Variants in SCN9A observed in about 807,000 individuals in gnomAD.
SCN9A encodes the protein sodium voltage-gated channel alpha subunit 9.
SCN9A carries 131 observed loss-of-function variants against 187.0 expected under a neutral mutation model. That is an observed-to-expected ratio of 0.70 (90% CI 0.61 to 0.81). The LOEUF (loss-of-function observed/expected upper bound fraction) is 0.81. Ranked by LOEUF, SCN9A falls within the 30% of genes least tolerant of loss-of-function variation. The pLI, the probability that SCN9A is intolerant of heterozygous loss-of-function variation, is 0.00. For missense variants in SCN9A, 2,252 were observed against 2,396.6 expected (o/e 0.94, Z 1.26); for synonymous variants, 809 against 808.6 (o/e 1.00, Z -0.01).
chr2:166,282,611 C>T (rs1697540586), intron 12 of SCN9A, among the ~76,000 whole-genome samples: 1 of 152,010 alleles, frequency 6.6e-6, no homozygotes, highest in Admixed American at 6.6e-5. Flanking sequence ...AACAACTATA[C>T]AACTCTAGAT....
chr2:166,337,041 G>T (rs914545292), intron 1 of SCN9A, among the ~76,000 whole-genome samples: 4 of 152,062 alleles, frequency 2.6e-5, no homozygotes, highest in African/African-American at 9.7e-5. Context: ...TTTTCACATA[G>T]TCTAGAGGGT....
chr2:166,219,735 TC>T (rs2106372400), intron 24 of SCN9A, among the ~76,000 whole-genome samples: 1 of 151,904 alleles, frequency 6.6e-6, no homozygotes, highest in South Asian at 2.1e-4. Flanking sequence ...AAAATAAAAG[TC>T]AAAAAAGTCA....
At chr2:166,283,962 T>C (rs1697611407) in intron 12 of SCN9A, among the ~76,000 whole-genome samples, 1 of 152,152 alleles carries the variant, frequency 6.6e-6, no homozygotes, top group Non-Finnish European at 1.5e-5. Context: ...TAATGTATCA[T>C]CTCATGGGGT....
At chr2:166,340,356 T>C (rs753073195) in intron 1 of SCN9A, among the ~76,000 whole-genome samples, 18 of 152,184 alleles carry the variant, frequency 1.2e-4, no homozygotes, top group Non-Finnish European at 2.2e-4. Context: ...GCAAAACTAC[T>C]TTTCACTCAG....
intron 2 of SCN9A, among the ~76,000 whole-genome samples, chr2:166,308,223 G>C (rs1698819905): frequency 6.6e-6 from 1 of 152,036 alleles, no homozygotes; most frequent in Non-Finnish European, 1.5e-5. Context: ...TTAAATCTCA[G>C]TAGACTGTAT....
rs1340370507 is a variant in SCN9A at position 166,286,372 on chromosome 2, C to T, written c.1566G>A (p.Arg522=). 2.5e-6 allele frequency: 4 copies of T among 1,613,558 alleles called. No individual in the cohort carries two copies. The Admixed American group carries it at 6.7e-5, about 27-fold the overall frequency. The change falls in exon 11 of 27, where the codon AGG becomes AGA. Residue 522 remains arginine, a synonymous_variant. Coordinates refer to ENST00000642356, the MANE Select transcript of SCN9A (RefSeq NM_001365536.1). ...TAGACAACCTCTTTTCATGTGCTCG[C>T]CTATGCCCTTCGACACCAAGGTGGA... ...KSFHLGVEGH[R]RAHEKRLSTP...
chr2:166,369,210 T>G (rs1700493047), intron 1 of SCN9A, among the ~76,000 whole-genome samples: 2 of 151,694 alleles, frequency 1.3e-5, no homozygotes, highest in South Asian at 4.2e-4. Context: ...TACTACTAAT[T>G]TACAGGAAAG....
intron 19 of SCN9A, 77 bp downstream of exon 19, chr2:166,242,425 T>C (rs965935868): frequency 7.9e-7 from 1 of 1,272,050 alleles, no homozygotes; most frequent in African/African-American, 1.5e-5. Context: ...CAACTTGCCA[T>C]GATATTTTTA....
chr2:166,312,897 C>A (rs1370160507), intron 1 of SCN9A, among the ~76,000 whole-genome samples: 6 of 150,834 alleles, frequency 4.0e-5, no homozygotes, highest in Admixed American at 3.3e-4. Flanking sequence ...GACGTGCTGT[C>A]ATCCAGGCTT....
chr2:166,361,363 C>T (rs1323419937), intron 1 of SCN9A, among the ~76,000 whole-genome samples: 1 of 152,018 alleles, frequency 6.6e-6, no homozygotes. Context: ...AGGGAGCTTT[C>T]AACTCAGAAT....
chr2:166,235,258 C>T (rs574310418), intron 20 of SCN9A, among the ~76,000 whole-genome samples: 16 of 151,846 alleles, frequency 1.1e-4, no homozygotes, highest in Admixed American at 6.6e-4. Context: ...TTTTATGACA[C>T]GGAATATATG....
chr2:166,230,248 C>T (rs889444645), intron 21 of SCN9A, among the ~76,000 whole-genome samples: 4 of 152,062 alleles, frequency 2.6e-5, no homozygotes, highest in Admixed American at 2.6e-4. Context: ...ATTTGGAGTT[C>T]ATGGACCTGT....
At chr2:166,268,942 T>C (rs1194609686) in intron 17 of SCN9A, among the ~76,000 whole-genome samples, 6 of 151,870 alleles carry the variant, frequency 4.0e-5, no homozygotes, top group Non-Finnish European at 5.9e-5. Context: ...AACACTTTTT[T>C]TAAAATGGCT....
At position 166,278,162 on chromosome 2, in the gene SCN9A, G is replaced by A; in HGVS notation, c.2495C>T (p.Ser832Leu). 1 of 1,612,804 alleles carries A rather than the reference G, an allele frequency of 6.2e-7. No homozygotes were observed. The highest frequency in any genetic ancestry group is 8.5e-7 in the Non-Finnish European group (1 of 1,179,498). ...ELFLADVEGL[S>L]VLRSFRLLRV... is the part of the protein sequence containing the mutation. ...TACCAGTCTGAATGATCGCAGAACTGACAATCCTTCCACATCTGCTAGAAA... is the reference window on the plus strand; with the variant it reads ...TACCAGTCTGAATGATCGCAGAACTAACAATCCTTCCACATCTGCTAGAAA... Residue 832 changes from serine (S) to leucine (L), a missense_variant, in exon 15 of 27, where the codon TCA (serine) becomes TTA (leucine). Transcript: ENST00000642356.
intron 5 of SCN9A, among the ~76,000 whole-genome samples, chr2:166,305,073 G>A (rs1698710473): frequency 6.6e-6 from 1 of 152,022 alleles, no homozygotes. Flanking sequence ...CAGGGATGAA[G>A]GAATCGGATA....
rs1553472678 is a variant in SCN9A, at chr2:166,198,723, G to A, written c.5916C>T (p.Asp1972=). Residue 1972 remains aspartate, a synonymous_variant, in exon 27 of 27, where the codon GAC becomes GAT. Transcript: ENST00000642356. ...TCCCTTTGTCTTCCTTTTCTGTTCTGTCTTGTTCATATTTCTCTTTGTCTG... is the reference window on the plus strand; with the variant it reads ...TCCCTTTGTCTTCCTTTTCTGTTCTATCTTGTTCATATTTCTCTTTGTCTG... The part of the protein sequence containing the change: ...TKPDKEKYEQ[D]RTEKEDKGKD... 2 of 1,612,960 alleles carry A rather than the reference G, an allele frequency of 1.2e-6. No homozygotes were observed. Among genetic ancestry groups the A allele is most frequent in the East Asian group, 2.2e-5 (1 of 44,854 alleles).
intron 1 of SCN9A, among the ~76,000 whole-genome samples, chr2:166,335,785 G>C (rs1699611808): frequency 6.6e-6 from 1 of 152,100 alleles, no homozygotes; most frequent in African/African-American, 2.4e-5. Flanking sequence ...CCTGTGTACT[G>C]ATTCTGAGTT....
In SCN9A at chr2:166,286,342, G is replaced by T. The variant is rs775007245; in HGVS notation, c.1596C>A (p.Pro532=). The change falls in exon 11 of 27, where the codon CCC becomes CCA. Residue 532 remains proline (P), a synonymous_variant. Coordinates refer to ENST00000642356, the MANE Select transcript of SCN9A (RefSeq NM_001365536.1). ...TTAGCAATTTGGGTGGTACCTGATT[G>T]GGGGTAGACAACCTCTTTTCATGTG... ...RRAHEKRLST[P]NQSPLSIRGS... The T allele has an allele frequency of 6.2e-7, 1 of 1,604,072 alleles. No individual in the cohort carries two copies. The highest frequency in any genetic ancestry group is 1.1e-5 in the South Asian group (1 of 88,332).
At chr2:166,370,469 G>T (rs956421398) in intron 1 of SCN9A, among the ~76,000 whole-genome samples, 6 of 151,440 alleles carry the variant, frequency 4.0e-5, no homozygotes, top group Admixed American at 3.9e-4. Context: ...TGTGAACCCA[G>T]GACGCGGAGC....
Sources: gnomAD v4.1 joint callset for allele counts (sites outside exome capture counted in the v4.1 genomes callset) on GRCh38, gnomAD v4.1.1 for gene constraint, MANE v1.5 for transcripts, NCBI Gene and HGNC (gene_info 2026-07-23, HGNC 2026-07-21) for gene names.